Variants in MRPL58 observed in about 807,000 individuals in gnomAD.
MRPL58 encodes the protein mitochondrial ribosomal protein L58.
A neutral mutation model predicts 26.0 loss-of-function variants in MRPL58; 17 were observed. That is an observed-to-expected ratio of 0.65 (90% CI 0.45 to 0.98). The LOEUF (loss-of-function observed/expected upper bound fraction) is 0.98. Ranked by LOEUF, MRPL58 falls within the 50% of genes least tolerant of loss-of-function variation. The pLI is 0.00. For missense variants in MRPL58, 250 were observed against 269.0 expected (o/e 0.93, Z 0.49); for synonymous variants, 100 against 99.7 (o/e 1.00, Z -0.02).
At chr17:75,015,357 G>A (rs1010603917) in intron 1 of MRPL58, among the ~76,000 whole-genome samples, 7 of 152,168 alleles carry the variant, frequency 4.6e-5, no homozygotes, top group Admixed American at 1.3e-4. Flanking sequence ...GGTGGCACAC[G>A]CCTGTAGTCC....
intron 1 of MRPL58, among the ~76,000 whole-genome samples, chr17:75,014,352 A>ATT (rs35954769): frequency 0.032 from 3,651 of 113,244 alleles, 175 homozygotes; most frequent in African/African-American, 0.11. Flanking sequence ...CAACCGGCTA[A>ATT]TTTTTTTTTT....
chr17:75,020,243 T>C, intron 3 of MRPL58, 70 bp from the exon 4 acceptor site: 1 of 1,195,762 alleles, frequency 8.4e-7, no homozygotes, highest in Non-Finnish European at 1.2e-6. Flanking sequence ...GAATGGTCAC[T>C]GGTCACCCAG....
At chr17:75,018,340 T>C (rs572544558) in intron 2 of MRPL58, among the ~76,000 whole-genome samples, 1 of 151,832 alleles carries the variant, frequency 6.6e-6, no homozygotes, top group Non-Finnish European at 1.5e-5. Context: ...CACACCATTC[T>C]CCTGCCTCAG....
intron 1 of MRPL58, among the ~76,000 whole-genome samples, chr17:75,015,574 G>T (rs2039967164): frequency 6.6e-6 from 1 of 152,088 alleles, no homozygotes; most frequent in Non-Finnish European, 1.5e-5. Context: ...TATTTCAAGG[G>T]CATGTCAGTG....
chr17:75,014,913 G>A (rs1047825492), intron 1 of MRPL58, among the ~76,000 whole-genome samples: 3 of 152,142 alleles, frequency 2.0e-5, no homozygotes, highest in Non-Finnish European at 4.4e-5. Flanking sequence ...CAAAATACAG[G>A]ATCTCTCTCC....
intron 5 of MRPL58, 75 bp downstream of exon 5, chr17:75,020,732 G>A: frequency 6.6e-7 from 1 of 1,513,310 alleles, no homozygotes; most frequent in South Asian, 1.1e-5. Context: ...GAAGGGGCAG[G>A]GGAGAGTCCA....
At position 75,013,713 on chromosome 17, in the gene MRPL58, C is replaced by T. The variant is rs552073117; in HGVS notation, c.186+841C>T. 8.5e-5 allele frequency among the ~76,000 whole-genome samples: 13 copies of T among 152,288 alleles called. 1 individual carries two copies. In the South Asian group the frequency reaches 2.5e-3, roughly 29 times the overall value. On this transcript the variant is annotated intron_variant, in intron 1 of 5. Transcript: ENST00000301585. ...GAATAACGACCTGGAAGAAGCCAGA[C>T]AGCAAGTCATGAGAATAGGGGGCGG...
At position 75,020,526 on chromosome 17, in the gene MRPL58, C is replaced by T. The variant is rs1044228; in HGVS notation, c.405C>T (p.Leu135=). The T allele has an allele frequency of 0.32, 517,063 of 1,613,652 alleles. 84,517 individuals carry two copies. The highest frequency in any genetic ancestry group is 0.45 in the Admixed American group (26,749 of 59,996). ...TCAACAGGTTAGGAGAGTTGATCCT[C>T]ACCTCTGAGAGCAGCCGCTATCAGT... ...NKINRLGELI[L]TSESSRYQFR... Residue 135 remains leucine (L), a synonymous_variant, in exon 5 of 6, where the codon CTC becomes CTT. Coordinates refer to ENST00000301585, the MANE Select transcript of MRPL58 (RefSeq NM_001545.3).
Position 75,020,508 on chromosome 17 carries a change from G to T in MRPL58, c.387G>T (p.Arg129Ser). The T allele has an allele frequency of 1.2e-6, 2 of 1,614,124 alleles. No homozygotes were observed. Among genetic ancestry groups the T allele is most frequent in the Non-Finnish European group, 1.7e-6 (2 of 1,180,004 alleles). Reference sequence around the variant, plus strand: ...TGCAGCATAAAAACAAGATCAACAGGTTAGGAGAGTTGATCCTCACCTCTG... The same window carrying T: ...TGCAGCATAAAAACAAGATCAACAGTTTAGGAGAGTTGATCCTCACCTCTG... ...IAITHKNKINRLGELILTSES... is the reference protein window; with the variant it reads ...IAITHKNKINSLGELILTSES... Residue 129 changes from arginine to serine, a missense_variant, in exon 5 of 6, where the codon AGG becomes AGT. Arg to Ser is a moderately radical substitution (Grantham distance 110, BLOSUM62 -1). Transcript: ENST00000301585.
Position 75,012,801 on chromosome 17 carries a change from T to G in MRPL58, c.115T>G (p.Phe39Val), listed in dbSNP as rs1398174886. 1.2e-6 allele frequency: 2 copies of G among 1,609,572 alleles called. No individual in the cohort carries two copies. The highest frequency in any genetic ancestry group is 1.7e-6 in the Non-Finnish European group (2 of 1,178,736). ...ALHKQKDGTE[F>V]KSIYSLDKLY... is the part of the protein sequence containing the mutation. ...GCACAAGCAGAAAGACGGCACTGAG[T>G]TCAAGAGCATCTACAGCCTGGACAA... The change falls in exon 1 of 6, where the codon TTC (phenylalanine) becomes GTC (valine). Residue 39 changes from phenylalanine to valine, a missense_variant. Coordinates refer to ENST00000301585, the MANE Select transcript of MRPL58 (RefSeq NM_001545.3).
Position 75,021,089 on chromosome 17 carries a change from T to G in MRPL58, c.*84T>G. 1 of 886,728 alleles carries G rather than the reference T, an allele frequency of 1.1e-6. No homozygotes were observed. Among genetic ancestry groups the G allele is most frequent in the Non-Finnish European group, 1.9e-6 (1 of 536,130 alleles). The allele number at this position is 886,728 out of a possible 1,614,324, so 54.9% of individuals were successfully genotyped here. A position where few individuals can be genotyped will look rare whatever the true frequency, so the allele number is the denominator to read the frequency against. ...GACTTTCACACCATAAGGAGATTTC[T>G]GTTTTTCTTTTTGGCTGTTAATGCT... On this transcript the variant is annotated 3_prime_UTR_variant, in exon 6 of 6. Transcript: ENST00000301585.
intron 5 of MRPL58, 100 bp from the exon 6 acceptor site, chr17:75,020,821 G>T: frequency 8.3e-7 from 1 of 1,198,140 alleles, no homozygotes; most frequent in Non-Finnish European, 1.2e-6. Context: ...GTGCCTGCTG[G>T]TGTAACTGCT....
At chr17:75,014,224 C>T (rs1465600531) in intron 1 of MRPL58, among the ~76,000 whole-genome samples, 1 of 125,778 alleles carries the variant, frequency 8.0e-6, no homozygotes, top group African/African-American at 3.0e-5. Flanking sequence ...CTCACTCTGT[C>T]GCCCAGGCTG....
chr17:75,018,933 G>A (rs2039994882), intron 2 of MRPL58, among the ~76,000 whole-genome samples: 1 of 152,106 alleles, frequency 6.6e-6, no homozygotes, highest in Non-Finnish European at 1.5e-5. Flanking sequence ...TGTGGCTGAG[G>A]AGCGAATACC....
intron 2 of MRPL58, among the ~76,000 whole-genome samples, chr17:75,019,260 C>T (rs1303163715): frequency 2.0e-5 from 3 of 152,108 alleles, no homozygotes; most frequent in Non-Finnish European, 2.9e-5. Flanking sequence ...GGGAGACAGG[C>T]AGGCAAGTGG....
At chr17:75,013,096 G>A (rs1444263328) in intron 1 of MRPL58, among the ~76,000 whole-genome samples, 1 of 152,204 alleles carries the variant, frequency 6.6e-6, no homozygotes, top group Non-Finnish European at 1.5e-5. Flanking sequence ...CTTCTTTCAA[G>A]GCTGCCAGCT....
At chr17:75,020,179 C>T in intron 3 of MRPL58, 134 bp from the exon 4 acceptor site, 1 of 710,004 alleles carries the variant, frequency 1.4e-6, no homozygotes, top group Non-Finnish European at 2.4e-6. Flanking sequence ...TCATAGCCAA[C>T]TTGGACATAG....
intron 1 of MRPL58, among the ~76,000 whole-genome samples, chr17:75,013,293 C>G (rs1343676348): frequency 6.6e-6 from 1 of 152,188 alleles, no homozygotes; most frequent in African/African-American, 2.4e-5. Context: ...GCTTCTCTGT[C>G]GTTCCTTCAG....
intron 1 of MRPL58, among the ~76,000 whole-genome samples, chr17:75,013,438 A>C (rs2039948949): frequency 7.3e-6 from 1 of 137,414 alleles, no homozygotes; most frequent in African/African-American, 3.0e-5. Flanking sequence ...TCATTAATTC[A>C]CTCACTCACT....
Sources: gnomAD v4.1 joint callset for allele counts (sites outside exome capture counted in the v4.1 genomes callset) on GRCh38, gnomAD v4.1.1 for gene constraint, MANE v1.5 for transcripts, NCBI Gene and HGNC (gene_info 2026-07-23, HGNC 2026-07-21) for gene names.